LRRC37A2: variants seen among roughly 807,000 people sequenced by gnomAD.
LRRC37A2 encodes leucine rich repeat containing 37 member A2.
In LRRC37A2, 9 loss-of-function variants were observed where a neutral mutation model predicts 68.8. The ratio of observed to expected loss-of-function variants is 0.13; its 90% CI spans 0.08 to 0.23. LRRC37A2 has a LOEUF of 0.23. Ranked by LOEUF, LRRC37A2 falls within the 10% of genes least tolerant of loss-of-function variation. The pLI is 1.00. For missense variants in LRRC37A2, 168 were observed against 950.4 expected (o/e 0.18, Z 10.82); for synonymous variants, 63 against 367.6 (o/e 0.17, Z 9.48).
At chr17:46,910,593 A>T in the LRRC37A2 span, among the ~76,000 whole-genome samples, 1 of 152,208 alleles carries the variant, frequency 6.6e-6, no homozygotes, top group Non-Finnish European at 1.5e-5. Context: ...GAAGCATATG[A>T]TCCAACCTGG....
At chr17:46,609,614 T>A in the LRRC37A2 span, among the ~76,000 whole-genome samples, 9 of 148,038 alleles carry the variant, frequency 6.1e-5, no homozygotes, top group Admixed American at 2.7e-4. Flanking sequence ...TATGTTTATA[T>A]TTATTAGTAA....
chr17:46,837,318 G>C, the LRRC37A2 span, among the ~76,000 whole-genome samples: 8 of 152,162 alleles, frequency 5.3e-5, no homozygotes, highest in Non-Finnish European at 1.0e-4. Flanking sequence ...TCCACCTGCA[G>C]TGACAAGGCT....
At chr17:46,823,990 C>T in the LRRC37A2 span, among the ~76,000 whole-genome samples, 11 of 152,158 alleles carry the variant, frequency 7.2e-5, no homozygotes, top group Non-Finnish European at 1.6e-4. Context: ...AAGGAGTAAG[C>T]CTCTCTCTCA....
the LRRC37A2 span, among the ~76,000 whole-genome samples, chr17:46,811,805 A>C: frequency 6.6e-6 from 1 of 152,116 alleles, no homozygotes; most frequent in Non-Finnish European, 1.5e-5. Flanking sequence ...AAAAATTCAA[A>C]TATTAGCCAG....
the LRRC37A2 span, among the ~76,000 whole-genome samples, chr17:46,869,435 C>G: frequency 6.6e-6 from 1 of 152,176 alleles, no homozygotes; most frequent in Non-Finnish European, 1.5e-5. Flanking sequence ...GGAGTGGAGC[C>G]GTTCTGGGCA....
the LRRC37A2 span, among the ~76,000 whole-genome samples, chr17:46,502,599 G>A: frequency 6.6e-6 from 1 of 151,284 alleles, no homozygotes; most frequent in Non-Finnish European, 1.5e-5. Context: ...ACTGCTCCTG[G>A]CCTTAAGTGT....
the LRRC37A2 span, among the ~76,000 whole-genome samples, chr17:46,403,907 A>G: frequency 1.7e-5 from 1 of 58,060 alleles, no homozygotes; most frequent in Non-Finnish European, 3.9e-5. Context: ...TCACCGTGTT[A>G]GCCAGCATGG....
At chr17:46,823,190 A>ATATATATTTATATATTATATAT in the LRRC37A2 span, among the ~76,000 whole-genome samples, 3 of 126,794 alleles carry the variant, frequency 2.4e-5, no homozygotes, top group Admixed American at 9.1e-5. Context: ...ATAATATATT[A>ATATATATTTATATATTATATAT]TATATATTTA....
chr17:46,694,123 A>T, the LRRC37A2 span, among the ~76,000 whole-genome samples: 1 of 132,310 alleles, frequency 7.6e-6, no homozygotes, highest in Non-Finnish European at 1.5e-5. Context: ...AGTGGCTCAC[A>T]CCTGTAATCC....
the LRRC37A2 span, chr17:46,763,097 G>A: frequency 6.6e-6 from 1 of 152,302 alleles, no homozygotes; most frequent in East Asian, 1.9e-4. Context: ...GACCATCTTG[G>A]CAAGCCCACC....
At chr17:46,970,475 G>A in the LRRC37A2 span, among the ~76,000 whole-genome samples, 1 of 143,050 alleles carries the variant, frequency 7.0e-6, no homozygotes, top group African/African-American at 2.6e-5. Context: ...GGGAGGCACA[G>A]GTTGCAGCAA....
chr17:46,892,973 G>C, the LRRC37A2 span, among the ~76,000 whole-genome samples: 1 of 151,346 alleles, frequency 6.6e-6, no homozygotes, highest in Non-Finnish European at 1.5e-5. Flanking sequence ...GTCTTGCTCT[G>C]TTGCCCAGGC....
At chr17:46,530,099 C>G (rs1270342043) in intron 6 of LRRC37A2, among the ~76,000 whole-genome samples, 1 of 143,240 alleles carries the variant, frequency 7.0e-6, no homozygotes, top group African/African-American at 2.5e-5. Context: ...ACTTTGTTAC[C>G]CAGGCTGGTC....
the LRRC37A2 span, chr17:46,711,024 G>T: frequency 6.3e-7 from 1 of 1,593,314 alleles, no homozygotes; most frequent in Non-Finnish European, 8.5e-7. Context: ...ATCAAATGGG[G>T]TGACCCAGTT....
the LRRC37A2 span, among the ~76,000 whole-genome samples, chr17:46,767,097 C>A: frequency 6.6e-6 from 1 of 152,124 alleles, no homozygotes; most frequent in African/African-American, 2.4e-5. Flanking sequence ...GAAGAAAGGG[C>A]ACCCCAGCCT....
the LRRC37A2 span, among the ~76,000 whole-genome samples, chr17:46,579,962 T>G: frequency 6.8e-6 from 1 of 147,112 alleles, no homozygotes; most frequent in South Asian, 2.2e-4. Context: ...GGATTGTCTA[T>G]TTGCACGGCC....
At chr17:46,558,836 C>CTTTTTTTTTTT (rs765462293), downstream of LRRC37A2, 3 of 71,840 alleles carry the variant, frequency 4.2e-5, no homozygotes, top group African/African-American at 1.3e-4. Flanking sequence ...CTCTTTTATT[C>CTTTTTTTTTTT]TTTTTTTTTT....
At chr17:46,820,511 A>G in the LRRC37A2 span, among the ~76,000 whole-genome samples, 1 of 152,086 alleles carries the variant, frequency 6.6e-6, no homozygotes, top group Non-Finnish European at 1.5e-5. Context: ...AAGGAGCTGC[A>G]AGGCGAAGAA....
At chr17:46,947,453 C>G in the LRRC37A2 span, among the ~76,000 whole-genome samples, 25 of 152,262 alleles carry the variant, frequency 1.6e-4, no homozygotes, top group South Asian at 2.5e-3. Context: ...CTACAACTTA[C>G]GTTCATGCTG....
Sources: gnomAD v4.1 joint callset for allele counts (sites outside exome capture counted in the v4.1 genomes callset) on GRCh38, gnomAD v4.1.1 for gene constraint, MANE v1.5 for transcripts, NCBI Gene and HGNC (gene_info 2026-07-23, HGNC 2026-07-21) for gene names.